The following CAPN13 variants were observed in gnomAD, a reference collection of about 807,000 sequenced individuals.
CAPN13 encodes the protein calpain 13.
A neutral mutation model predicts 98.4 loss-of-function variants in CAPN13; 90 were observed. The observed-to-expected ratio is 0.92, with a 90% CI of 0.77 to 1.09. The LOEUF (loss-of-function observed/expected upper bound fraction) is 1.09. CAPN13 is among the 50% of genes least tolerant of loss of function. CAPN13 has a pLI of 0.00. For synonymous variants in CAPN13, 330 were observed against 305.5 expected, an observed-to-expected ratio of 1.08 and a Z score of -0.84; for missense variants, 887 against 841.3, an observed-to-expected ratio of 1.05 and a Z score of -0.67.
intron 8 of CAPN13, among the ~76,000 whole-genome samples, chr2:30,757,128 C>T (rs367569593): frequency 1.3e-5 from 2 of 152,180 alleles, no homozygotes; most frequent in African/African-American, 4.8e-5. Context: ...TCATGTTCCC[C>T]ACCCCCAGCC....
In CAPN13 at chr2:30,745,722, C is replaced by A. The variant is rs747716854; in HGVS notation, c.1248+1G>T. 32 of 1,596,424 alleles carry A rather than the reference C, an allele frequency of 2.0e-5. No individual in the cohort carries two copies. The highest frequency in any genetic ancestry group is 1.6e-4 in the Middle Eastern group (1 of 6,080). On this transcript the variant is annotated splice_donor_variant, in intron 12 of 22. Coordinates refer to ENST00000295055, the MANE Select transcript of CAPN13 (RefSeq NM_144575.3). LOFTEE classifies it high-confidence loss of function. Reference sequence around the variant, plus strand: ...AGGGCAAGGACGACGCTGAGCCATACCTGTGAGCCAGCCTGTTGGAAACAG... The same window carrying A: ...AGGGCAAGGACGACGCTGAGCCATAACTGTGAGCCAGCCTGTTGGAAACAG...
intron 8 of CAPN13, among the ~76,000 whole-genome samples, chr2:30,755,099 T>C (rs1672375403): frequency 6.6e-6 from 1 of 152,094 alleles, no homozygotes; most frequent in Non-Finnish European, 1.5e-5. Context: ...TCTCCAGCAA[T>C]AGTGTCTTCA....
chr2:30,741,657 T>C, intron 15 of CAPN13: 1 of 1,345,258 alleles, frequency 7.4e-7, no homozygotes, highest in Admixed American at 3.1e-5. Flanking sequence ...CACCCCATAA[T>C]TATCCCCTCC....
At chr2:30,759,843 G>A (rs1672746336) in intron 7 of CAPN13, among the ~76,000 whole-genome samples, 1 of 152,162 alleles carries the variant, frequency 6.6e-6, no homozygotes, top group Non-Finnish European at 1.5e-5. Context: ...GAGCCACCTG[G>A]TCAATTCCCA....
intron 11 of CAPN13, among the ~76,000 whole-genome samples, chr2:30,749,558 C>T (rs1216508886): frequency 6.6e-6 from 1 of 152,166 alleles, no homozygotes; most frequent in Non-Finnish European, 1.5e-5. Flanking sequence ...TTCCTAGAGA[C>T]CCTGTAATTC....
At chr2:30,787,469 C>T in intron 1 of CAPN13, 112 bp from the exon 2 acceptor site, 1 of 764,960 alleles carries the variant, frequency 1.3e-6, no homozygotes, top group Non-Finnish European at 2.1e-6. Flanking sequence ...GGGACTGAGA[C>T]TAAGTCTGCA....
At chr2:30,796,367 C>T (rs1203483001) in intron 1 of CAPN13, among the ~76,000 whole-genome samples, 4 of 151,748 alleles carry the variant, frequency 2.6e-5, no homozygotes, top group African/African-American at 9.7e-5. Flanking sequence ...TGCAACGTAG[C>T]ATAGTAAAGT....
At chr2:30,800,158 A>AAG (rs779246496) in intron 1 of CAPN13, among the ~76,000 whole-genome samples, 66 of 150,464 alleles carry the variant, frequency 4.4e-4, no homozygotes, top group Non-Finnish European at 8.3e-4. Context: ...GAAAGAAAGA[A>AAG]AGAAAGAAAG....
chr2:30,773,111 A>C (rs1158600642), intron 4 of CAPN13, among the ~76,000 whole-genome samples: 1 of 152,258 alleles, frequency 6.6e-6, no homozygotes, highest in Non-Finnish European at 1.5e-5. Flanking sequence ...GGCGTGAGCC[A>C]CTGCGCCTGG....
rs762522016 is a variant in CAPN13, at chr2:30,742,338, G to A, written c.1467C>T (p.Asn489=). The A allele has an allele frequency of 6.2e-7, 1 of 1,604,768 alleles. No individual in the cohort carries two copies. Among genetic ancestry groups the A allele is most frequent in the Non-Finnish European group, 8.5e-7 (1 of 1,175,614 alleles). ...GCTGCATACCTACCTTCATTCTGAGGTTGAAATGGCTGCTCAGGTGCCTAG... is the reference window on the plus strand; with the variant it reads ...GCTGCATACCTACCTTCATTCTGAGATTGAAATGGCTGCTCAGGTGCCTAG... ...DSDRHLSSHF[N]LRMKGSPSEH... The change falls in exon 14 of 23, where the codon AAC becomes AAT. Residue 489 remains asparagine, a synonymous_variant. Transcript: ENST00000295055.
intron 17 of CAPN13, 50 bp from the exon 18 acceptor site, chr2:30,736,621 G>A: frequency 6.4e-7 from 1 of 1,558,058 alleles, no homozygotes; most frequent in South Asian, 1.1e-5. Flanking sequence ...GTGCAGAGGG[G>A]CTGCCATCCT....
At chr2:30,764,080 T>C (rs1672983737) in intron 6 of CAPN13, 52 bp downstream of exon 6, 3 of 1,517,164 alleles carry the variant, frequency 2.0e-6, no homozygotes, top group Non-Finnish European at 2.7e-6. Context: ...GGCTGAGCAT[T>C]CCTGGCTGAG....
intron 2 of CAPN13, 110 bp downstream of exon 2, chr2:30,787,018 T>G: frequency 1.3e-6 from 1 of 796,438 alleles, no homozygotes; most frequent in Non-Finnish European, 2.0e-6. Flanking sequence ...CCTGGTGAAT[T>G]TCATTCTCCT....
intron 13 of CAPN13, among the ~76,000 whole-genome samples, 163 bp from the exon 14 acceptor site, chr2:30,742,522 C>T (rs565373696): frequency 1.4e-4 from 21 of 152,326 alleles, no homozygotes; most frequent in African/African-American, 5.1e-4. Flanking sequence ...GCACCGTGGC[C>T]ACCAGCCCAG....
At chr2:30,789,990 G>A (rs1265942361) in intron 1 of CAPN13, among the ~76,000 whole-genome samples, 1 of 152,216 alleles carries the variant, frequency 6.6e-6, no homozygotes. Context: ...CAGGCAGCAG[G>A]CTGGGTGTCT....
intron 5 of CAPN13, among the ~76,000 whole-genome samples, chr2:30,769,988 G>T (rs1197618674): frequency 6.6e-6 from 1 of 152,200 alleles, no homozygotes; most frequent in East Asian, 1.9e-4. Flanking sequence ...GTGAGTCAGA[G>T]TCAGAATTGT....
chr2:30,751,441 C>G (rs1441908004), intron 10 of CAPN13, among the ~76,000 whole-genome samples, 190 bp from the exon 11 acceptor site: 2 of 152,208 alleles, frequency 1.3e-5, no homozygotes, highest in Non-Finnish European at 2.9e-5. Context: ...GTTTCCTCCT[C>G]TTAAACACAG....
chr2:30,798,943 T>C (rs1490818124), intron 1 of CAPN13, among the ~76,000 whole-genome samples: 4 of 152,158 alleles, frequency 2.6e-5, no homozygotes, highest in Admixed American at 2.6e-4. Context: ...GTGTGTTTAA[T>C]TACACTGTTT....
At chr2:30,728,327 T>C (rs1670932720) in intron 22 of CAPN13, among the ~76,000 whole-genome samples, 1 of 152,078 alleles carries the variant, frequency 6.6e-6, no homozygotes, top group African/African-American at 2.4e-5. Flanking sequence ...AATGTGTGAA[T>C]TATATCTCAA....
Sources: allele counts gnomAD v4.1 joint callset (sites outside exome capture counted in the v4.1 genomes callset), GRCh38; gene constraint gnomAD v4.1.1; transcripts MANE v1.5; gene names NCBI Gene and HGNC (gene_info 2026-07-23, HGNC 2026-07-21).